Variants in RCHY1 observed in about 807,000 individuals in gnomAD.
RCHY1 encodes ring finger and CHY zinc finger domain containing 1.
RCHY1 carries 21 observed loss-of-function variants against 41.6 expected under a neutral mutation model. The observed-to-expected ratio is 0.51, with a 90% CI of 0.36 to 0.73. RCHY1 has a LOEUF of 0.73. Among genes scored for constraint, RCHY1 ranks in the 30% least tolerant of loss-of-function variants. RCHY1 has a pLI of 0.00. For synonymous variants in RCHY1, 79 were observed against 102.9 expected (o/e 0.77, Z 1.41); for missense variants, 265 against 325.3 (o/e 0.81, Z 1.43).
At chr4:75,483,902 CCA>C (rs1330207353) in intron 8 of RCHY1, among the ~76,000 whole-genome samples, 1 of 152,074 alleles carries the variant, frequency 6.6e-6, no homozygotes, top group African/African-American at 2.4e-5. Flanking sequence ...AAACTCAATA[CCA>C]TGTATGGCTG....
chr4:75,506,380 A>G (rs1724308724), intron 3 of RCHY1, among the ~76,000 whole-genome samples: 1 of 152,044 alleles, frequency 6.6e-6, no homozygotes, highest in South Asian at 2.1e-4. Flanking sequence ...CCCATAGATA[A>G]TCAAGATATT....
At position 75,483,746 on chromosome 4, in the gene RCHY1, T is replaced by C. The variant is rs531458594; in HGVS notation, c.658-1080A>G. On this transcript the variant is annotated intron_variant, in intron 8 of 8. Coordinates refer to ENST00000324439, the MANE Select transcript of RCHY1 (RefSeq NM_015436.4). ...CCACATGAATTATGAAACACTCCAG[T>C]GTAAATAAAACAAAAAATAATTTTC... Among the ~76,000 whole-genome samples the C allele has an allele frequency of 5.3e-5, 8 of 152,288 alleles. No individual in the cohort carries two copies. In the East Asian group the frequency reaches 1.2e-3, roughly 22 times the overall value.
At chr4:75,508,186 C>G (rs72866258) in intron 3 of RCHY1, among the ~76,000 whole-genome samples, 1 of 152,024 alleles carries the variant, frequency 6.6e-6, no homozygotes, top group Non-Finnish European at 1.5e-5. Context: ...GGACTGAACA[C>G]GGAACACCTT....
chr4:75,503,904 T>C (rs1180825562), intron 3 of RCHY1, among the ~76,000 whole-genome samples: 1 of 152,142 alleles, frequency 6.6e-6, no homozygotes, highest in Non-Finnish European at 1.5e-5. Context: ...GTACATATGT[T>C]AAAGTACTTA....
chr4:75,509,163 T>C lies in RCHY1; in HGVS notation c.210+14A>G. 1 of 1,602,950 alleles carries C rather than the reference T, an allele frequency of 6.2e-7. No homozygotes were observed. Among genetic ancestry groups the C allele is most frequent in the Non-Finnish European group, 8.5e-7 (1 of 1,175,198 alleles). On this transcript the variant is annotated intron_variant, in intron 2 of 8. Transcript: ENST00000324439. ...AGCTTTTAAAAAGAAAATAGAAATG[T>C]CATAAAATCTTACATGTTGAATTTT...
chr4:75,510,439 T>A (rs1340923436), intron 1 of RCHY1, among the ~76,000 whole-genome samples: 1 of 152,224 alleles, frequency 6.6e-6, no homozygotes, highest in Non-Finnish European at 1.5e-5. Flanking sequence ...TCCAATACAC[T>A]GTGACCTTGC....
intron 3 of RCHY1, among the ~76,000 whole-genome samples, chr4:75,506,041 A>G (rs910632352): frequency 1.3e-5 from 2 of 149,046 alleles, no homozygotes; most frequent in Non-Finnish European, 3.0e-5. Context: ...CTGGTAAACA[A>G]CCCTAGCTTT....
chr4:75,483,787 G>C (rs148817787), intron 8 of RCHY1, among the ~76,000 whole-genome samples: 2 of 152,080 alleles, frequency 1.3e-5, no homozygotes, highest in Admixed American at 1.3e-4. Flanking sequence ...GCTTTGCTAC[G>C]TGGTTTTTAT....
In RCHY1 at chr4:75,504,422, G is replaced by T. The variant is rs181425418; in HGVS notation, c.326+4398C>A. On this transcript the variant is annotated intron_variant, in intron 3 of 8. Coordinates refer to ENST00000324439, the MANE Select transcript of RCHY1 (RefSeq NM_015436.4). ...GAAGAAGGATGAAGACCTTTATGAT[G>T]ATCCATTTCCACTTAATGAACAGTT... is the stretch of plus-strand genomic sequence containing the variant. Among the ~76,000 whole-genome samples, 2 of 152,170 alleles carry T rather than the reference G, an allele frequency of 1.3e-5. 1 individual carries two copies. The highest frequency in any genetic ancestry group is 4.8e-5 in the African/African-American group (2 of 41,502).
At chr4:75,489,221 T>TA (rs891588329) in intron 8 of RCHY1, among the ~76,000 whole-genome samples, 3 of 152,208 alleles carry the variant, frequency 2.0e-5, no homozygotes, top group African/African-American at 7.2e-5. Flanking sequence ...GTCGAAACCA[T>TA]AATCCTGGGA....
chr4:75,502,114 G>T (rs1259812468), intron 3 of RCHY1, among the ~76,000 whole-genome samples: 13 of 151,778 alleles, frequency 8.6e-5, no homozygotes, highest in Non-Finnish European at 1.9e-4. Context: ...ATTAAATTCA[G>T]CATTTAACAA....
chr4:75,513,774 G>A (rs1329649277), intron 1 of RCHY1, among the ~76,000 whole-genome samples: 1 of 152,142 alleles, frequency 6.6e-6, no homozygotes, highest in Non-Finnish European at 1.5e-5. Context: ...CATGAAGCTG[G>A]CAGGCTATAA....
In RCHY1 at chr4:75,490,720, T is replaced by C; in HGVS notation, c.537-19A>G. On this transcript the variant is annotated intron_variant, in intron 7 of 8. Transcript: ENST00000324439. ...GTAGCCTCTGAAAGAGATAGAAAGGTTATTTTCCAAATATTAAACAAGAAT... is the reference window on the plus strand; with the variant it reads ...GTAGCCTCTGAAAGAGATAGAAAGGCTATTTTCCAAATATTAAACAAGAAT... 6.3e-7 allele frequency: 1 copy of C among 1,585,558 alleles called. No homozygotes were observed. Among genetic ancestry groups the C allele is most frequent in the Non-Finnish European group, 8.6e-7 (1 of 1,160,916 alleles).
chr4:75,490,587 A>G lies in RCHY1; in HGVS notation c.651T>C (p.Thr217=). 1.9e-6 allele frequency: 3 copies of G among 1,610,450 alleles called. No individual in the cohort carries two copies. The highest frequency in any genetic ancestry group is 2.5e-6 in the Non-Finnish European group (3 of 1,178,236). ...TPMPSEYQNM[T]VDILCNDCNG... is the part of the protein sequence containing the mutation. ...AAGTATTGATTCTACTCACATCCAC[A>G]GTCATGTTCTGATATTCTGATGGCA... The change falls in exon 8 of 9, where the codon ACT becomes ACC. Residue 217 remains threonine (T), a synonymous_variant. Coordinates refer to ENST00000324439, the MANE Select transcript of RCHY1 (RefSeq NM_015436.4).
rs1288966671 is a variant in RCHY1, at chr4:75,480,129, A to C, written c.*2409T>G. On this transcript the variant is annotated 3_prime_UTR_variant, in exon 9 of 9. Coordinates refer to ENST00000324439, the MANE Select transcript of RCHY1 (RefSeq NM_015436.4). Reference sequence around the variant, plus strand: ...TTGACGTGTCATGAACAAATACTTGAAGCAACCCTGGGTACCGAAGCCTAG... The same window carrying C: ...TTGACGTGTCATGAACAAATACTTGCAGCAACCCTGGGTACCGAAGCCTAG... 1 of 152,200 alleles carries C rather than the reference A, an allele frequency of 6.6e-6. No individual in the cohort carries two copies. The highest frequency in any genetic ancestry group is 1.5e-5 in the Non-Finnish European group (1 of 68,030). 9.4% of individuals were successfully genotyped at this position (152,200 alleles called of 1,614,324 possible).
At chr4:75,507,241 AG>A (rs1724410550) in intron 3 of RCHY1, among the ~76,000 whole-genome samples, 1 of 152,100 alleles carries the variant, frequency 6.6e-6, no homozygotes, top group African/African-American at 2.4e-5. Context: ...TAGCATATAA[AG>A]ACTCTTAGTG....
chr4:75,514,033 C>G (rs1725257016), intron 1 of RCHY1, 164 bp downstream of exon 1: 1 of 1,130,466 alleles, frequency 8.8e-7, no homozygotes, highest in East Asian at 2.6e-5. Context: ...GGCTTATCGC[C>G]TTGCCAAAAA....
chr4:75,513,424 G>A (rs189076999), intron 1 of RCHY1, among the ~76,000 whole-genome samples: 1 of 152,214 alleles, frequency 6.6e-6, no homozygotes, highest in East Asian at 1.9e-4. Context: ...TGAAACAGGC[G>A]CGATCATCTC....
At chr4:75,491,322 T>C (rs1722729780) in intron 7 of RCHY1, 1 of 286,978 alleles carries the variant, frequency 3.5e-6, no homozygotes, top group African/African-American at 2.2e-5. Flanking sequence ...ACACTATAAC[T>C]GCATCTGGCA....
Sources: gnomAD v4.1 joint callset for allele counts (sites outside exome capture counted in the v4.1 genomes callset) on GRCh38, gnomAD v4.1.1 for gene constraint, MANE v1.5 for transcripts, NCBI Gene and HGNC (gene_info 2026-07-23, HGNC 2026-07-21) for gene names.